Variants in THSD7A observed in about 807,000 individuals in gnomAD.
The protein encoded by THSD7A is thrombospondin type 1 domain containing 7A.
Under a neutral mutation model 231.3 loss-of-function variants are expected in THSD7A, and 96 were observed. The observed-to-expected ratio is 0.41, with a 90% CI of 0.35 to 0.49. The LOEUF (loss-of-function observed/expected upper bound fraction) is 0.49, where lower values mean the gene tolerates loss of function less well. THSD7A is among the 20% of genes least tolerant of loss of function. The pLI, the probability that THSD7A is intolerant of heterozygous loss-of-function variation, is 0.05. For missense variants in THSD7A, 2,290 were observed against 2,070.2 expected (o/e 1.11, Z -2.06); for synonymous variants, 940 against 743.3 (o/e 1.26, Z -4.30).
At chr7:11,699,124 T>C (rs1780494138) in intron 1 of THSD7A, among the ~76,000 whole-genome samples, 1 of 151,082 alleles carries the variant, frequency 6.6e-6, no homozygotes, top group Non-Finnish European at 1.5e-5. Context: ...TAGTGTGACT[T>C]CTATGTTCAG....
intron 13 of THSD7A, among the ~76,000 whole-genome samples, chr7:11,431,405 C>T (rs995565232): frequency 6.6e-6 from 1 of 152,086 alleles, no homozygotes; most frequent in African/African-American, 2.4e-5. Flanking sequence ...CAACTTCATT[C>T]TTTTGCATGT....
At chr7:11,520,064 C>A (rs1228510896) in intron 6 of THSD7A, 1 of 152,122 alleles carries the variant, frequency 6.6e-6, no homozygotes, top group African/African-American at 2.4e-5. Context: ...CCCTTTGTAT[C>A]CTGAGAAACC....
intron 6 of THSD7A, among the ~76,000 whole-genome samples, chr7:11,539,544 A>G (rs1021155282): frequency 6.6e-6 from 1 of 152,224 alleles, no homozygotes; most frequent in Non-Finnish European, 1.5e-5. Flanking sequence ...TATAACATAC[A>G]TTGCCAGTAC....
In THSD7A at chr7:11,407,421, A is replaced by C. The variant is rs1386337499; in HGVS notation, c.3801T>G (p.Leu1267=). Residue 1267 remains leucine, a splice_region_variant and synonymous_variant, in exon 20 of 28, where the codon CTT becomes CTG. Coordinates refer to ENST00000423059, the MANE Select transcript of THSD7A (RefSeq NM_015204.3). ...TCATCTGCCAGTTCTTCTCCAAGCC[A>C]AGCTGGAAGAACAGAGGTAGATCAG... ...KSVDLKYCEA[L]GLEKNWQMNT... 6.2e-7 allele frequency: 1 copy of C among 1,610,382 alleles called. No individual in the cohort carries two copies.
intron 17 of THSD7A, 121 bp from the exon 18 acceptor site, chr7:11,412,921 A>G: frequency 9.4e-7 from 1 of 1,061,124 alleles, no homozygotes. Flanking sequence ...CAGAAAAGTC[A>G]GTCAACCTCA....
At chr7:11,568,872 T>G (rs1285584348) in intron 4 of THSD7A, among the ~76,000 whole-genome samples, 1 of 151,332 alleles carries the variant, frequency 6.6e-6, no homozygotes, top group Non-Finnish European at 1.5e-5. Context: ...AAAATAAAAT[T>G]TCAGTAAAGT....
At chr7:11,607,201 T>C (rs1025162530) in intron 2 of THSD7A, among the ~76,000 whole-genome samples, 17 of 152,120 alleles carry the variant, frequency 1.1e-4, no homozygotes, top group Non-Finnish European at 1.5e-5. Flanking sequence ...GTAGGAAATA[T>C]ATATGTTTTC....
chr7:11,464,803 G>A (rs1049877008), intron 9 of THSD7A, among the ~76,000 whole-genome samples: 1 of 152,084 alleles, frequency 6.6e-6, no homozygotes, highest in African/African-American at 2.4e-5. Flanking sequence ...GGTTACACAG[G>A]AAGTGTCAAT....
rs1246162705 is a variant in THSD7A at position 11,633,234 on chromosome 7, C to T, written c.1022+2896G>A. Among the ~76,000 whole-genome samples, 3 of 152,162 alleles carry T rather than the reference C, an allele frequency of 2.0e-5. No individual in the cohort carries two copies. The East Asian group carries it at 5.8e-4, about 29-fold the overall frequency. The stretch of plus-strand genomic sequence containing the variant: ...AACACCTGGTATACTTTCATACCAT[C>T]TCTTGGTCCTGCTAAGATTTCACCC... On this transcript the variant is annotated intron_variant, in intron 2 of 27. Coordinates refer to ENST00000423059, the MANE Select transcript of THSD7A (RefSeq NM_015204.3).
In THSD7A at chr7:11,374,136, G is replaced by A. The variant is rs896799957; in HGVS notation, c.*1658C>T. On this transcript the variant is annotated 3_prime_UTR_variant, in exon 28 of 28. Coordinates refer to ENST00000423059, the MANE Select transcript of THSD7A (RefSeq NM_015204.3). Reference sequence around the variant, plus strand: ...AGCATTAAAAAACATCCAGACCAGGGGTCAGCAAAATATGACCTGCAAAGG... The same window carrying A: ...AGCATTAAAAAACATCCAGACCAGGAGTCAGCAAAATATGACCTGCAAAGG... 6.6e-6 allele frequency: 1 copy of A among 151,992 alleles called. No homozygotes were observed. Among genetic ancestry groups the A allele is most frequent in the Non-Finnish European group, 1.5e-5 (1 of 67,966 alleles). The allele number at this position is 151,992 out of a possible 1,614,324, so 9.4% of individuals were successfully genotyped here. A position where few individuals can be genotyped will look rare whatever the true frequency, so the allele number is the denominator to read the frequency against.
At chr7:11,392,405 G>A (rs372248452) in intron 23 of THSD7A, among the ~76,000 whole-genome samples, 134 of 152,200 alleles carry the variant, frequency 8.8e-4, no homozygotes, top group African/African-American at 2.8e-3. Context: ...AGATTCCCTC[G>A]GGTGCCTACA....
rs150870268 is a variant in THSD7A, at chr7:11,719,553, T to A, written c.191-82592A>T. Among the ~76,000 whole-genome samples, 11 of 151,842 alleles carry A rather than the reference T, an allele frequency of 7.2e-5. No homozygotes were observed. In the East Asian group the frequency reaches 2.2e-3, roughly 30 times the overall value. On this transcript the variant is annotated intron_variant, in intron 1 of 27. Transcript: ENST00000423059. ...CCTGTCATTATCTAAGGTACTTCCA[T>A]GTCCACATGCAACACATGGATCGCT...
At chr7:11,644,459 G>T (rs1055383673) in intron 1 of THSD7A, among the ~76,000 whole-genome samples, 1 of 151,922 alleles carries the variant, frequency 6.6e-6, no homozygotes, top group Non-Finnish European at 1.5e-5. Flanking sequence ...AATAAGAGGA[G>T]AGTTGGTAGC....
chr7:11,724,436 T>C (rs943596550), intron 1 of THSD7A, among the ~76,000 whole-genome samples: 2 of 151,928 alleles, frequency 1.3e-5, no homozygotes. Flanking sequence ...AGCAGAGAGC[T>C]CTGTACTGAT....
chr7:11,477,791 G>A (rs753962019), intron 7 of THSD7A, among the ~76,000 whole-genome samples: 4 of 152,110 alleles, frequency 2.6e-5, no homozygotes, highest in Non-Finnish European at 5.9e-5. Context: ...AATAGTATTA[G>A]AAACCAAGAT....
At chr7:11,515,360 T>C (rs563574812) in intron 6 of THSD7A, among the ~76,000 whole-genome samples, 6 of 152,186 alleles carry the variant, frequency 3.9e-5, no homozygotes, top group African/African-American at 7.2e-5. Flanking sequence ...CCCACTTTTC[T>C]ACTTGTTATT....
chr7:11,776,445 C>A (rs1783407178), intron 1 of THSD7A, among the ~76,000 whole-genome samples: 1 of 152,106 alleles, frequency 6.6e-6, no homozygotes, highest in Non-Finnish European at 1.5e-5. Flanking sequence ...ATAAAAAAAG[C>A]CCTACCCTTA....
At chr7:11,418,769 G>A (rs1184455432) in intron 16 of THSD7A, among the ~76,000 whole-genome samples, 2 of 151,902 alleles carry the variant, frequency 1.3e-5, no homozygotes, top group East Asian at 3.9e-4. Context: ...TGTTGGTCAT[G>A]TCTTAATGAG....
chr7:11,469,831 C>T lies in THSD7A; in HGVS notation c.2368+48G>A, dbSNP rs2285743. The T allele has an allele frequency of 1.0e-3, 1,327 of 1,320,354 alleles. 10 individuals carry two copies. In the East Asian group the frequency reaches 0.02, roughly 20 times the overall value. 81.8% of individuals were successfully genotyped at this position (1,320,354 alleles called of 1,614,324 possible). On this transcript the variant is annotated intron_variant, in intron 9 of 27. Transcript: ENST00000423059. ...AGGCCAGAAGACCTCAGAAGTCTAC[C>T]GAGGAGGTTTTCTAGGTGAACAGCC...
Sources: allele counts gnomAD v4.1 joint callset (sites outside exome capture counted in the v4.1 genomes callset), GRCh38; gene constraint gnomAD v4.1.1; transcripts MANE v1.5; gene names NCBI Gene and HGNC (gene_info 2026-07-23, HGNC 2026-07-21).